The following SYNE1 variants were observed in gnomAD, a reference collection of about 807,000 sequenced individuals.
The protein encoded by SYNE1 is nesprin-1.
SYNE1 carries 616 observed loss-of-function variants against 1,111.0 expected under a neutral mutation model. That is an observed-to-expected ratio of 0.55 (90% confidence interval 0.52 to 0.59). SYNE1 has a LOEUF of 0.59. Ranked by LOEUF, SYNE1 falls within the 20% of genes least tolerant of loss-of-function variation. The pLI, the probability that SYNE1 is intolerant of heterozygous loss-of-function variation, is 0.00. For missense variants in SYNE1, 10,006 were observed against 10,417.0 expected, an observed-to-expected ratio of 0.96 and a Z score of 1.72; for synonymous variants, 3,855 against 3,825.8, an observed-to-expected ratio of 1.01 and a Z score of -0.28.
chr6:152,508,250 G>A lies in SYNE1; in HGVS notation c.581+1943C>T, dbSNP rs558873604. ...ATTTTTATGGCAGAGAAAAGTCATCGCCCCAAACCTCTACAATTTATGCAG... is the reference window on the plus strand; with the variant it reads ...ATTTTTATGGCAGAGAAAAGTCATCACCCCAAACCTCTACAATTTATGCAG... On this transcript the variant is annotated intron_variant, in intron 8 of 145. Coordinates refer to ENST00000367255, the MANE Select transcript of SYNE1 (RefSeq NM_182961.4). Among the ~76,000 whole-genome samples, 350 of 152,238 alleles carry A rather than the reference G, an allele frequency of 2.3e-3. 2 individuals carry two copies. Among genetic ancestry groups the A allele is most frequent in the African/African-American group, 7.9e-3 (328 of 41,524 alleles).
At chr6:152,166,614 G>C (rs899122597) in intron 130 of SYNE1, among the ~76,000 whole-genome samples, 3 of 152,206 alleles carry the variant, frequency 2.0e-5, no homozygotes, top group Non-Finnish European at 4.4e-5. Flanking sequence ...AGTCAGAGTG[G>C]TTAGTATGCA....
At chr6:152,351,830 T>C (rs1324130638) in intron 70 of SYNE1, among the ~76,000 whole-genome samples, 197 bp downstream of exon 70, 1 of 152,176 alleles carries the variant, frequency 6.6e-6, no homozygotes, top group Non-Finnish European at 1.5e-5. Flanking sequence ...GATCTCTGAA[T>C]GCAAAAATAA....
intron 5 of SYNE1, among the ~76,000 whole-genome samples, chr6:152,522,684 C>T (rs1240189904): frequency 1.3e-5 from 2 of 152,038 alleles, no homozygotes; most frequent in Non-Finnish European, 2.9e-5. Flanking sequence ...AGTGTATAAG[C>T]GTTCCCTTTA....
chr6:152,314,985 C>T (rs2095667779), intron 87 of SYNE1, among the ~76,000 whole-genome samples: 1 of 144,382 alleles, frequency 6.9e-6, no homozygotes, highest in Non-Finnish European at 1.5e-5. Context: ...GAGCGAAATG[C>T]TGTCTCAAAA....
chr6:152,417,317 T>A (rs1029788558), intron 40 of SYNE1, among the ~76,000 whole-genome samples: 3 of 152,118 alleles, frequency 2.0e-5, no homozygotes, highest in Non-Finnish European at 2.9e-5. Flanking sequence ...GCTAACACGG[T>A]GAAACCCCGT....
intron 14 of SYNE1, among the ~76,000 whole-genome samples, chr6:152,482,647 C>A (rs2098913685): frequency 6.6e-6 from 1 of 152,006 alleles, no homozygotes; most frequent in Non-Finnish European, 1.5e-5. Flanking sequence ...CTAACCCCAC[C>A]ACTTCCTACA....
intron 119 of SYNE1, among the ~76,000 whole-genome samples, chr6:152,219,654 T>C (rs1264169941): frequency 6.6e-6 from 1 of 152,212 alleles, no homozygotes; most frequent in Non-Finnish European, 1.5e-5. Flanking sequence ...AATTTGTCCG[T>C]GGTGTCTTCT....
intron 3 of SYNE1, among the ~76,000 whole-genome samples, chr6:152,602,077 C>T (rs1391131751): frequency 6.6e-6 from 1 of 152,084 alleles, no homozygotes; most frequent in Non-Finnish European, 1.5e-5. Context: ...TCTCTGCCTC[C>T]ATCCCAATTT....
chr6:152,574,203 C>T (rs9479351), intron 3 of SYNE1, among the ~76,000 whole-genome samples: 9 of 144,706 alleles, frequency 6.2e-5, no homozygotes, highest in African/African-American at 1.8e-4. Flanking sequence ...TAAATATATA[C>T]ATATATATAT....
rs780721542 is a variant in SYNE1 at position 152,333,990 on chromosome 6, T to A, written c.12794+18A>T. The A allele has an allele frequency of 2.8e-5, 45 of 1,614,172 alleles. 1 individual carries two copies. The Middle Eastern group carries it at 8.2e-4, about 30-fold the overall frequency. On this transcript the variant is annotated intron_variant, in intron 77 of 145. Transcript: ENST00000367255. ...TCTGGCTTAGCATTTTGGTGACCCA[T>A]GGGAGAATTTCTGTTACCTGGCCAA...
At chr6:152,323,839 AGAT>A in intron 81 of SYNE1, 102 bp from the exon 82 acceptor site, 1 of 1,340,080 alleles carries the variant, frequency 7.5e-7, no homozygotes, top group Non-Finnish European at 1.0e-6. Flanking sequence ...AGCCAATTAA[AGAT>A]GATGATATAA....
rs146584432 is a variant in SYNE1, at chr6:152,282,964, T to C, written c.18208-984A>G. On this transcript the variant is annotated intron_variant, in intron 96 of 145. Transcript: ENST00000367255. ...TAATTAGCAGCTAAATAAAATAATA[T>C]TCAGTTCATATAATAAGAAATGTAT... is the stretch of plus-strand genomic sequence containing the variant. 2.0e-4 allele frequency among the ~76,000 whole-genome samples: 31 copies of C among 152,256 alleles called. No individual in the cohort carries two copies. In the East Asian group the frequency reaches 5.0e-3, roughly 25 times the overall value.
chr6:152,341,174 A>G (rs2096527776), intron 74 of SYNE1, among the ~76,000 whole-genome samples: 1 of 152,174 alleles, frequency 6.6e-6, no homozygotes, highest in African/African-American at 2.4e-5. Flanking sequence ...TTGAATGTAC[A>G]AGCGAACTAT....
intron 3 of SYNE1, among the ~76,000 whole-genome samples, chr6:152,594,240 A>G (rs2099574727): frequency 6.6e-6 from 1 of 152,208 alleles, no homozygotes; most frequent in Admixed American, 6.5e-5. Flanking sequence ...CAAATCATAC[A>G]AAGAATGGAC....
rs761270609 is a variant in SYNE1 at position 152,151,982 on chromosome 6, T to C, written c.24289A>G (p.Thr8097Ala). 1 of 1,614,020 alleles carries C rather than the reference T, an allele frequency of 6.2e-7. No individual in the cohort carries two copies. Among genetic ancestry groups the C allele is most frequent in the African/African-American group, 1.3e-5 (1 of 74,890 alleles). Reference protein sequence around the residue: ...QRWDNLQKRVTSILRRLKHFI... With the variant: ...QRWDNLQKRVASILRRLKHFI... ...ACCTTGAGTCTGCGCAAGATGGAGGTGACACGCTTTTGCAGGTTGTCCCAT... is the reference window on the plus strand; with the variant it reads ...ACCTTGAGTCTGCGCAAGATGGAGGCGACACGCTTTTGCAGGTTGTCCCAT... Residue 8097 changes from threonine to alanine, a missense_variant, in exon 134 of 146, where the codon ACC (threonine) becomes GCC (alanine). Physicochemically the swap from Thr to Ala is moderately conservative, Grantham distance 58. Transcript: ENST00000367255.
intron 21 of SYNE1, among the ~76,000 whole-genome samples, chr6:152,459,348 G>A (rs1436035978): frequency 6.6e-6 from 1 of 152,088 alleles, no homozygotes; most frequent in Non-Finnish European, 1.5e-5. Flanking sequence ...TTCCAGCTTT[G>A]TTTTCAAGAG....
At chr6:152,142,735 A>G (rs2058749063) in intron 138 of SYNE1, among the ~76,000 whole-genome samples, 1 of 152,234 alleles carries the variant, frequency 6.6e-6, no homozygotes, top group Non-Finnish European at 1.5e-5. Flanking sequence ...AGAAGTTGGT[A>G]TAATAGGCCA....
chr6:152,475,538 A>G (rs2098830055), intron 14 of SYNE1, among the ~76,000 whole-genome samples: 1 of 152,222 alleles, frequency 6.6e-6, no homozygotes, highest in Non-Finnish European at 1.5e-5. Flanking sequence ...AAGTTGAATC[A>G]CTATAAGTTG....
At chr6:152,412,202 A>G (rs2154174597) in intron 42 of SYNE1, among the ~76,000 whole-genome samples, 1 of 152,100 alleles carries the variant, frequency 6.6e-6, no homozygotes, top group South Asian at 2.1e-4. Flanking sequence ...CAGGTGGATC[A>G]TGAGGTCAGG....
Sources: gnomAD v4.1 joint callset for allele counts (sites outside exome capture counted in the v4.1 genomes callset) on GRCh38, gnomAD v4.1.1 for gene constraint, MANE v1.5 for transcripts, NCBI Gene and HGNC (gene_info 2026-07-23, HGNC 2026-07-21) for gene names.